Variants in MGAT5 observed in about 807,000 individuals in gnomAD.
The protein encoded by MGAT5 is alpha-1,6-mannosylglycoprotein 6-beta-N-acetylglucosaminyltransferase A.
MGAT5 carries 30 observed loss-of-function variants against 94.3 expected under a neutral mutation model. The ratio of observed to expected loss-of-function variants is 0.32; its 90% CI spans 0.24 to 0.43. The LOEUF (loss-of-function observed/expected upper bound fraction) is 0.43, where lower values mean the gene tolerates loss of function less well. MGAT5 is among the 20% of genes least tolerant of loss of function. The pLI, the probability that MGAT5 is intolerant of heterozygous loss-of-function variation, is 1.00. For missense variants in MGAT5, 691 were observed against 905.5 expected, an observed-to-expected ratio of 0.76 and a Z score of 3.04; for synonymous variants, 310 against 322.9, an observed-to-expected ratio of 0.96 and a Z score of 0.43.
At chr2:134,361,534 C>G (rs1314135602) in intron 9 of MGAT5, among the ~76,000 whole-genome samples, 1 of 152,176 alleles carries the variant, frequency 6.6e-6, no homozygotes, top group Non-Finnish European at 1.5e-5. Flanking sequence ...TGTGGGGTTG[C>G]TGTCCCCCTT....
rs1206811210 is a variant in MGAT5 at position 134,137,206 on chromosome 2, CAAGAAA to C, written c.-143+16916_-143+16921del. ...GCACTCTAAGAAATAGGTCTCTGCC[CAAGAAA>C]TATGTTGTGCACATGGTTGCCAGGG... On this transcript the variant is annotated intron_variant, in intron 1 of 16. Coordinates refer to the MGAT5 transcript ENST00000409645. Among the ~76,000 whole-genome samples the C allele has an allele frequency of 3.6e-4, 55 of 152,256 alleles. 2 individuals carry two copies. The Middle Eastern group carries it at 0.048, about 132-fold the overall frequency.
intron 4 of MGAT5, among the ~76,000 whole-genome samples, chr2:134,335,246 A>G (rs1421912468): frequency 6.6e-6 from 1 of 152,128 alleles, no homozygotes; most frequent in African/African-American, 2.4e-5. Flanking sequence ...CTTTAAGGAC[A>G]TTCCCTCACT....
At chr2:134,139,248 C>T (rs372576542) in intron 1 of MGAT5, among the ~76,000 whole-genome samples, 9 of 152,310 alleles carry the variant, frequency 5.9e-5, no homozygotes, top group South Asian at 4.1e-4. Flanking sequence ...ATAAGAAAGA[C>T]GGAGTAAGAG....
At chr2:134,401,717 T>C (rs1683064549) in intron 10 of MGAT5, among the ~76,000 whole-genome samples, 1 of 152,238 alleles carries the variant, frequency 6.6e-6, no homozygotes, top group South Asian at 2.1e-4. Flanking sequence ...AAACTTTCAG[T>C]CCCACTGTTC....
Position 134,450,945 on chromosome 2 carries a change from T to TA in MGAT5, c.*2099dup, listed in dbSNP as rs1331797411. ...TCCTTGTGAATGGGCCTCTTGGCTG[T>TA]ACCCTAGGGTGTGGGAATTTGCTAG... On this transcript the variant is annotated 3_prime_UTR_variant, in exon 16 of 16. Transcript: ENST00000281923. 6.6e-6 allele frequency: 1 copy of TA among 152,102 alleles called. No individual in the cohort carries two copies. Among genetic ancestry groups the TA allele is most frequent in the East Asian group, 1.9e-4 (1 of 5,186 alleles). The allele number at this position is 152,102 out of a possible 1,614,324, so 9.4% of individuals were successfully genotyped here.
chr2:134,202,280 G>T (rs2105287062), intron 1 of MGAT5, among the ~76,000 whole-genome samples: 1 of 152,332 alleles, frequency 6.6e-6, no homozygotes, highest in East Asian at 1.9e-4. Context: ...GGCCTTTCAG[G>T]CCTCTGATTA....
intron 13 of MGAT5, among the ~76,000 whole-genome samples, chr2:134,424,056 G>A (rs892967994): frequency 2.0e-4 from 31 of 152,194 alleles, no homozygotes; most frequent in Admixed American, 1.6e-3. Context: ...CTCCAGGAGC[G>A]GAAGCTGGGG....
rs746432914 is a variant in MGAT5, at chr2:134,341,767, G to A, written c.977+8G>A. The stretch of plus-strand genomic sequence containing the variant: ...ACTGGCTGAGCTCAAGGAGTAAGGA[G>A]ATTACTTTTCAATTTTAAAATCAGA... On this transcript the variant is annotated splice_region_variant and intron_variant, in intron 7 of 15. Coordinates refer to ENST00000281923, the MANE Select transcript of MGAT5 (RefSeq NM_002410.5). 1.5e-5 allele frequency: 23 copies of A among 1,583,168 alleles called. No individual in the cohort carries two copies. The Admixed American group carries it at 3.7e-4, about 25-fold the overall frequency.
chr2:134,189,620 T>TTTTTTTTTTTTTTTTTA (rs67734279), intron 1 of MGAT5, among the ~76,000 whole-genome samples: 3 of 138,326 alleles, frequency 2.2e-5, no homozygotes, highest in Non-Finnish European at 3.1e-5. Context: ...TTTTTTTTTT[T>TTTTTTTTTTTTTTTTTA]AAGACAGAGT....
intron 1 of MGAT5, among the ~76,000 whole-genome samples, chr2:134,258,534 A>G (rs934622700): frequency 6.6e-6 from 1 of 152,082 alleles, no homozygotes; most frequent in Non-Finnish European, 1.5e-5. Context: ...AAGCCTAAAT[A>G]TTTACTGTCT....
intron 10 of MGAT5, among the ~76,000 whole-genome samples, chr2:134,381,194 G>A (rs1681521611): frequency 6.6e-6 from 1 of 152,092 alleles, no homozygotes; most frequent in Non-Finnish European, 1.5e-5. Context: ...TGTTCCTTCA[G>A]TCACAGCTAC....
intron 10 of MGAT5, among the ~76,000 whole-genome samples, chr2:134,394,469 C>T (rs1682593957): frequency 6.6e-6 from 1 of 152,118 alleles, no homozygotes; most frequent in Admixed American, 6.5e-5. Context: ...CACAGATTTA[C>T]AACAGTTAAT....
intron 1 of MGAT5, among the ~76,000 whole-genome samples, chr2:134,214,602 T>C (rs144887824): frequency 1.6e-3 from 245 of 152,132 alleles, no homozygotes; most frequent in African/African-American, 5.6e-3. Context: ...TTGGAAGCTC[T>C]TTGGAAGGGA....
At chr2:134,258,622 G>T (rs993276060) in intron 1 of MGAT5, among the ~76,000 whole-genome samples, 25 of 152,314 alleles carry the variant, frequency 1.6e-4, no homozygotes, top group Admixed American at 1.2e-3. Flanking sequence ...TGGATTTTGT[G>T]TGTGTGTGTG....
At chr2:134,220,494 T>A (rs1680707096) in intron 1 of MGAT5, among the ~76,000 whole-genome samples, 1 of 152,134 alleles carries the variant, frequency 6.6e-6, no homozygotes, top group Non-Finnish European at 1.5e-5. Flanking sequence ...GGAAATCTGC[T>A]CCACACACCA....
At chr2:134,135,415 C>T (rs939845747) in intron 1 of MGAT5, among the ~76,000 whole-genome samples, 6 of 152,058 alleles carry the variant, frequency 3.9e-5, no homozygotes, top group African/African-American at 7.2e-5. Flanking sequence ...GCAAACCAGC[C>T]TGGTGCGGTG....
At chr2:134,182,368 T>C (rs931899454) in intron 1 of MGAT5, among the ~76,000 whole-genome samples, 1 of 152,192 alleles carries the variant, frequency 6.6e-6, no homozygotes, top group Non-Finnish European at 1.5e-5. Context: ...CAATATGTTA[T>C]TTCTGTTGAT....
rs76637387 is a variant in MGAT5 at position 134,402,531 on chromosome 2, T to C, written c.1381-457T>C. Among the ~76,000 whole-genome samples the C allele has an allele frequency of 3.2e-3, 488 of 152,306 alleles. 5 individuals carry two copies. The highest frequency in any genetic ancestry group is 0.023 in the East Asian group (117 of 5,172). ...GAGCTGGGGAATGTTTGTATTCCTC[T>C]GGGACAGCTTAGCATCTCTGGGTAA... On this transcript the variant is annotated intron_variant, in intron 10 of 15. Coordinates refer to ENST00000281923, the MANE Select transcript of MGAT5 (RefSeq NM_002410.5).
chr2:134,177,355 C>T (rs951092062), intron 1 of MGAT5, among the ~76,000 whole-genome samples: 3 of 152,062 alleles, frequency 2.0e-5, no homozygotes, highest in Non-Finnish European at 4.4e-5. Flanking sequence ...TCATTCCAGC[C>T]CACAGGCCTG....
Sources: gnomAD v4.1 joint callset for allele counts (sites outside exome capture counted in the v4.1 genomes callset) on GRCh38, gnomAD v4.1.1 for gene constraint, MANE v1.5 for transcripts, NCBI Gene and HGNC (gene_info 2026-07-23, HGNC 2026-07-21) for gene names.